ALOX5: variants seen among roughly 807,000 people sequenced by gnomAD.
ALOX5 encodes arachidonate 5-lipoxygenase.
A neutral mutation model predicts 87.9 loss-of-function variants in ALOX5; 64 were observed. The ratio of observed to expected loss-of-function variants is 0.73; its 90% CI spans 0.60 to 0.90. ALOX5 has a LOEUF of 0.90. Among genes scored for constraint, ALOX5 ranks in the 40% least tolerant of loss-of-function variants. The probability of loss-of-function intolerance (pLI) is 0.00; values close to 1 mark genes in which losing one functional copy is unlikely to be tolerated. For synonymous variants in ALOX5, 388 were observed against 355.1 expected (o/e 1.09, Z -1.04); for missense variants, 822 against 907.5 (o/e 0.91, Z 1.21).
intron 1 of ALOX5, among the ~76,000 whole-genome samples, chr10:45,377,348 C>T (rs1839652600): frequency 6.6e-6 from 1 of 151,050 alleles, no homozygotes; most frequent in South Asian, 2.1e-4. Flanking sequence ...GCCCCCTCTT[C>T]TGCCTCCTCT....
intron 2 of ALOX5, among the ~76,000 whole-genome samples, chr10:45,393,900 G>C (rs1191351862): frequency 6.6e-6 from 1 of 152,186 alleles, no homozygotes; most frequent in African/African-American, 2.4e-5. Flanking sequence ...ACTTACAAGG[G>C]ATGTGAAGGA....
intron 2 of ALOX5, among the ~76,000 whole-genome samples, chr10:45,389,904 G>A (rs551170965): frequency 1.3e-5 from 2 of 152,290 alleles, no homozygotes; most frequent in South Asian, 4.1e-4. Flanking sequence ...CTGGCAAATT[G>A]GATAAAGAGT....
chr10:45,428,274 G>A, intron 6 of ALOX5: 1 of 311,598 alleles, frequency 3.2e-6, no homozygotes, highest in South Asian at 6.7e-5. Context: ...ATCATTTTTT[G>A]GCATTTAACT....
chr10:45,419,234 G>C (rs1415579799), intron 4 of ALOX5, among the ~76,000 whole-genome samples: 1 of 152,278 alleles, frequency 6.6e-6, no homozygotes, highest in Non-Finnish European at 1.5e-5. Flanking sequence ...AGGCAGGGAG[G>C]CCGGGCGAGC....
At chr10:45,442,973 C>T (rs1015680802) in intron 9 of ALOX5, 65 bp from the exon 10 acceptor site, 2 of 1,522,714 alleles carry the variant, frequency 1.3e-6, no homozygotes, top group Non-Finnish European at 1.8e-6. Context: ...CACATTTCCT[C>T]AGGGATGGGT....
At chr10:45,374,854 A>G (rs981542177) in intron 1 of ALOX5, among the ~76,000 whole-genome samples, 1 of 152,162 alleles carries the variant, frequency 6.6e-6, no homozygotes, top group African/African-American at 2.4e-5. Flanking sequence ...AGGGAGAGGC[A>G]GATGAGTCAT....
At chr10:45,402,956 A>G (rs1840754170) in intron 3 of ALOX5, among the ~76,000 whole-genome samples, 1 of 152,214 alleles carries the variant, frequency 6.6e-6, no homozygotes, top group African/African-American at 2.4e-5. Flanking sequence ...TACCACACAT[A>G]TGCCCCCAGA....
At chr10:45,443,255 G>A (rs766860694) in intron 10 of ALOX5, 39 bp downstream of exon 10, 4 of 1,598,838 alleles carry the variant, frequency 2.5e-6, no homozygotes, top group South Asian at 1.1e-5. Context: ...GGGAGGAGCC[G>A]GGACCCCTGC....
intron 4 of ALOX5, among the ~76,000 whole-genome samples, chr10:45,415,584 A>T (rs975611090): frequency 5.9e-5 from 5 of 85,330 alleles, no homozygotes; most frequent in African/African-American, 1.4e-4. Context: ...ATAATAATAA[A>T]AAAAAAGACA....
At chr10:45,416,232 G>T (rs1841286809) in intron 4 of ALOX5, among the ~76,000 whole-genome samples, 1 of 152,186 alleles carries the variant, frequency 6.6e-6, no homozygotes, top group Admixed American at 6.5e-5. Context: ...TGAGGAAACT[G>T]AGTCTCCAAG....
chr10:45,386,626 T>C (rs1840017740), intron 2 of ALOX5, among the ~76,000 whole-genome samples: 1 of 152,110 alleles, frequency 6.6e-6, no homozygotes, highest in African/African-American at 2.4e-5. Context: ...GTTTTTAAAA[T>C]TTCATTTTTC....
intron 7 of ALOX5, among the ~76,000 whole-genome samples, 197 bp from the exon 8 acceptor site, chr10:45,440,233 C>T (rs1842185296): frequency 6.6e-6 from 1 of 152,224 alleles, no homozygotes; most frequent in South Asian, 2.1e-4. Context: ...CATCCAGAGT[C>T]ATGCAGGTTG....
chr10:45,375,755 A>C (rs1839583112), intron 1 of ALOX5, among the ~76,000 whole-genome samples: 1 of 152,342 alleles, frequency 6.6e-6, no homozygotes, highest in Non-Finnish European at 1.5e-5. Context: ...CAAGTTCACT[A>C]GCATCCTGGC....
intron 1 of ALOX5, among the ~76,000 whole-genome samples, chr10:45,375,398 T>G (rs976767685): frequency 1.3e-5 from 2 of 152,206 alleles, no homozygotes; most frequent in Admixed American, 1.3e-4. Flanking sequence ...AAGCGCTCCG[T>G]AAATGACTGG....
rs72561472 is a variant in ALOX5 at position 45,374,252 on chromosome 10, G to C, written c.-28G>C. 236,220 of 1,449,678 alleles carry C rather than the reference G, an allele frequency of 0.16. 19,870 individuals are homozygous for C. Among genetic ancestry groups the C allele is most frequent in the South Asian group, 0.19 (14,086 of 73,246 alleles). 89.8% of individuals were successfully genotyped at this position (1,449,678 alleles called of 1,614,324 possible). A position where few individuals can be genotyped will look rare whatever the true frequency, so the allele number is the denominator to read the frequency against. On this transcript the variant is annotated 5_prime_UTR_variant, in exon 1 of 14. Coordinates refer to ENST00000374391, the MANE Select transcript of ALOX5 (RefSeq NM_000698.5). ...CCTGGACCGCCGCGCCGAGGCTCCC[G>C]GCGCTCGCTGCTCCCGCGGCCCGCG...
chr10:45,382,618 A>G lies in ALOX5; in HGVS notation c.286A>G (p.Ile96Val). 1 of 1,614,134 alleles carries G rather than the reference A, an allele frequency of 6.2e-7. No homozygotes were observed. The highest frequency in any genetic ancestry group is 8.5e-7 in the Non-Finnish European group (1 of 1,180,016). Reference protein sequence around the residue: ...ITLKTPHGDYIEFPCYRWITG... With the variant: ...ITLKTPHGDYVEFPCYRWITG... ...GCTGAAGACGCCCCACGGGGACTAC[A>G]TCGAGTTCCCCTGCTACCGCTGGAT... Residue 96 changes from isoleucine to valine, a missense_variant, in exon 2 of 14, where the codon ATC (isoleucine) becomes GTC (valine). Transcript: ENST00000374391.
chr10:45,410,643 C>T (rs1841033790), intron 3 of ALOX5, among the ~76,000 whole-genome samples: 2 of 152,032 alleles, frequency 1.3e-5, no homozygotes, highest in South Asian at 2.1e-4. Context: ...CCCAAAATCT[C>T]GATATTTTAC....
chr10:45,403,247 C>T (rs1185125719), intron 3 of ALOX5, among the ~76,000 whole-genome samples: 2 of 152,122 alleles, frequency 1.3e-5, no homozygotes, highest in Admixed American at 6.5e-5. Context: ...GTAGAACAGA[C>T]AAATTGTCAA....
chr10:45,410,542 G>T (rs572255574), intron 3 of ALOX5, among the ~76,000 whole-genome samples: 42 of 152,304 alleles, frequency 2.8e-4, no homozygotes, highest in Non-Finnish European at 1.5e-5. Context: ...CTAAGGAGAG[G>T]CTACTGGGCC....
Sources: gnomAD v4.1 joint callset for allele counts (sites outside exome capture counted in the v4.1 genomes callset) on GRCh38, gnomAD v4.1.1 for gene constraint, MANE v1.5 for transcripts, NCBI Gene and HGNC (gene_info 2026-07-23, HGNC 2026-07-21) for gene names.